The following ST6GALNAC3 variants were observed in gnomAD, a reference collection of about 807,000 sequenced individuals.
ST6GALNAC3 encodes alpha-N-acetylgalactosaminide alpha-2,6-sialyltransferase 3.
In ST6GALNAC3, 25 loss-of-function variants were observed where a neutral mutation model predicts 32.7. The observed-to-expected ratio is 0.76, with a 90% CI of 0.56 to 1.07. The LOEUF (loss-of-function observed/expected upper bound fraction) is 1.07, where lower values mean the gene tolerates loss of function less well. Among genes scored for constraint, ST6GALNAC3 ranks in the 50% least tolerant of loss-of-function variants. The pLI is 0.00. For missense variants in ST6GALNAC3, 355 were observed against 382.4 expected (o/e 0.93, Z 0.60); for synonymous variants, 129 against 133.1 (o/e 0.97, Z 0.21).
intron 1 of ST6GALNAC3, among the ~76,000 whole-genome samples, chr1:76,214,350 A>G (rs1220453452): frequency 1.3e-5 from 2 of 152,158 alleles, no homozygotes; most frequent in Admixed American, 6.5e-5. Flanking sequence ...TTCATGATGC[A>G]ATACAATTGC....
At chr1:76,365,686 A>C (rs1296066809) in intron 2 of ST6GALNAC3, among the ~76,000 whole-genome samples, 1 of 152,206 alleles carries the variant, frequency 6.6e-6, no homozygotes, top group Admixed American at 6.5e-5. Context: ...AAGGGCTTTG[A>C]GTGTGTATGT....
chr1:76,262,324 G>A (rs1658286022), intron 1 of ST6GALNAC3, among the ~76,000 whole-genome samples: 1 of 152,192 alleles, frequency 6.6e-6, no homozygotes, highest in Non-Finnish European at 1.5e-5. Flanking sequence ...TGACACCAGT[G>A]CCACTGTGCT....
intron 3 of ST6GALNAC3, among the ~76,000 whole-genome samples, chr1:76,540,870 AC>A: frequency 1.3e-5 from 2 of 152,308 alleles, no homozygotes; most frequent in South Asian, 4.1e-4. Flanking sequence ...AATAACACTG[AC>A]CTTTGCCTTT....
chr1:76,141,709 C>T (rs1450542400), intron 1 of ST6GALNAC3, among the ~76,000 whole-genome samples: 1 of 152,060 alleles, frequency 6.6e-6, no homozygotes, highest in African/African-American at 2.4e-5. Flanking sequence ...CACATACATC[C>T]CCTCCCATCT....
chr1:76,465,859 T>C (rs1658590425), intron 3 of ST6GALNAC3, among the ~76,000 whole-genome samples: 1 of 152,098 alleles, frequency 6.6e-6, no homozygotes, highest in African/African-American at 2.4e-5. Flanking sequence ...ATCATGACGT[T>C]CTGGGTCTAT....
At chr1:76,210,926 T>C (rs1655117846) in intron 1 of ST6GALNAC3, among the ~76,000 whole-genome samples, 1 of 152,152 alleles carries the variant, frequency 6.6e-6, no homozygotes, top group Non-Finnish European at 1.5e-5. Context: ...TTTGTATTTT[T>C]AGTAGAGACA....
intron 3 of ST6GALNAC3, among the ~76,000 whole-genome samples, chr1:76,595,084 AAGGGG>A (rs1415933836): frequency 6.6e-6 from 1 of 152,144 alleles, no homozygotes; most frequent in Non-Finnish European, 1.5e-5. Context: ...CAATGGATGA[AAGGGG>A]TACTCAGACA....
intron 3 of ST6GALNAC3, among the ~76,000 whole-genome samples, chr1:76,432,035 C>T (rs534797690): frequency 6.6e-6 from 1 of 152,260 alleles, no homozygotes; most frequent in East Asian, 1.9e-4. Context: ...TTTTTACTTT[C>T]TAATTGTTTT....
At chr1:76,140,563 G>T (rs1434901083) in intron 1 of ST6GALNAC3, among the ~76,000 whole-genome samples, 1 of 151,414 alleles carries the variant, frequency 6.6e-6, no homozygotes, top group Non-Finnish European at 1.5e-5. Context: ...GTTTACTTCT[G>T]CCTCTCCCAC....
intron 1 of ST6GALNAC3, among the ~76,000 whole-genome samples, chr1:76,123,149 A>G (rs1648997365): frequency 6.6e-6 from 1 of 152,132 alleles, no homozygotes; most frequent in African/African-American, 2.4e-5. Context: ...AGGCAGGTGG[A>G]TCACCTGAGG....
At chr1:76,194,378 A>G (rs977493130) in intron 1 of ST6GALNAC3, among the ~76,000 whole-genome samples, 3 of 152,200 alleles carry the variant, frequency 2.0e-5, no homozygotes, top group Non-Finnish European at 2.9e-5. Flanking sequence ...TAAGAAAAGT[A>G]TTAAGGATCT....
intron 1 of ST6GALNAC3, among the ~76,000 whole-genome samples, chr1:76,194,590 C>G (rs951502091): frequency 1.3e-5 from 2 of 151,884 alleles, no homozygotes; most frequent in African/African-American, 4.8e-5. Flanking sequence ...ACATTTTTTG[C>G]AACTCTGTCT....
chr1:76,389,542 A>G (rs936529457), intron 2 of ST6GALNAC3, among the ~76,000 whole-genome samples: 2 of 152,202 alleles, frequency 1.3e-5, no homozygotes, highest in Non-Finnish European at 2.9e-5. Context: ...ATGGGTTGAT[A>G]TGTCTTGTGA....
intron 1 of ST6GALNAC3, among the ~76,000 whole-genome samples, chr1:76,190,833 A>G (rs1385879940): frequency 1.3e-5 from 2 of 152,086 alleles, no homozygotes; most frequent in African/African-American, 4.8e-5. Context: ...TGATATTTAT[A>G]CTCCCATCCC....
At chr1:76,505,111 G>A (rs1484459960) in intron 3 of ST6GALNAC3, among the ~76,000 whole-genome samples, 1 of 151,146 alleles carries the variant, frequency 6.6e-6, no homozygotes, top group Non-Finnish European at 1.5e-5. Flanking sequence ...ATAGAAGCAG[G>A]AAATGGGAAG....
chr1:76,158,535 C>T (rs1284877444), intron 1 of ST6GALNAC3, among the ~76,000 whole-genome samples: 1 of 152,184 alleles, frequency 6.6e-6, no homozygotes, highest in Non-Finnish European at 1.5e-5. Context: ...ACTCCAGTAT[C>T]TTAAAAAGAA....
intron 1 of ST6GALNAC3, among the ~76,000 whole-genome samples, chr1:76,303,383 G>A (rs764028857): frequency 7.2e-5 from 11 of 151,970 alleles, no homozygotes; most frequent in Admixed American, 6.6e-5. Flanking sequence ...CCAGTGGAAA[G>A]TTAGGGTTTT....
intron 1 of ST6GALNAC3, among the ~76,000 whole-genome samples, chr1:76,161,950 T>G (rs1425654467): frequency 6.6e-6 from 1 of 152,236 alleles, no homozygotes; most frequent in African/African-American, 2.4e-5. Flanking sequence ...AGATCAGGGT[T>G]GGTCATAAAA....
intron 3 of ST6GALNAC3, among the ~76,000 whole-genome samples, chr1:76,441,808 G>T (rs978977312): frequency 6.6e-6 from 1 of 151,810 alleles, no homozygotes; most frequent in Non-Finnish European, 1.5e-5. Flanking sequence ...TACCTGTCCT[G>T]CACTGAGAGC....
Sources: gnomAD v4.1 joint callset for allele counts (sites outside exome capture counted in the v4.1 genomes callset) on GRCh38, gnomAD v4.1.1 for gene constraint, MANE v1.5 for transcripts, NCBI Gene and HGNC (gene_info 2026-07-23, HGNC 2026-07-21) for gene names.